KCNAB1: variants seen among roughly 807,000 people sequenced by gnomAD.
KCNAB1 encodes voltage-gated potassium channel subunit beta-1.
KCNAB1 carries 35 observed loss-of-function variants against 64.6 expected under a neutral mutation model. That is an observed-to-expected ratio of 0.54 (90% CI 0.41 to 0.72). KCNAB1 has a LOEUF of 0.72. Among genes scored for constraint, KCNAB1 ranks in the 30% least tolerant of loss-of-function variants. The pLI is 0.00. For missense variants in KCNAB1, 401 were observed against 512.9 expected (o/e 0.78, Z 2.11); for synonymous variants, 177 against 183.8 (o/e 0.96, Z 0.30).
At chr3:156,339,695 C>T (rs566795804) in intron 1 of KCNAB1, among the ~76,000 whole-genome samples, 20 of 152,170 alleles carry the variant, frequency 1.3e-4, no homozygotes, top group Non-Finnish European at 2.8e-4. Context: ...TTGAGTTTCC[C>T]TGTAATAGTC....
chr3:156,350,923 G>A (rs755552225), intron 1 of KCNAB1, among the ~76,000 whole-genome samples: 19 of 152,268 alleles, frequency 1.2e-4, no homozygotes, highest in Non-Finnish European at 2.4e-4. Flanking sequence ...TGTGCAGGGA[G>A]TGTGAGAGCA....
chr3:156,223,385 A>G (rs1454335244), intron 1 of KCNAB1, among the ~76,000 whole-genome samples: 5 of 152,228 alleles, frequency 3.3e-5, no homozygotes, highest in Non-Finnish European at 7.3e-5. Flanking sequence ...TGATTGGTCC[A>G]TTTTACAGAG....
intron 1 of KCNAB1, among the ~76,000 whole-genome samples, chr3:156,361,199 T>C (rs1336550459): frequency 1.3e-5 from 2 of 152,174 alleles, no homozygotes; most frequent in African/African-American, 2.4e-5. Flanking sequence ...TCCCCCGGGA[T>C]GTTCCTCTAA....
At chr3:156,375,968 T>TG (rs1711623003) in intron 1 of KCNAB1, among the ~76,000 whole-genome samples, 1 of 152,218 alleles carries the variant, frequency 6.6e-6, no homozygotes, top group Non-Finnish European at 1.5e-5. Flanking sequence ...TAAAGGCGCA[T>TG]GCCAACATGC....
chr3:156,251,306 A>C (rs1167957112), intron 1 of KCNAB1, among the ~76,000 whole-genome samples: 2 of 152,220 alleles, frequency 1.3e-5, no homozygotes, highest in East Asian at 3.8e-4. Context: ...CTTGAGAGTA[A>C]GTATGCTTGA....
At chr3:156,336,080 C>T (rs772807574) in intron 1 of KCNAB1, among the ~76,000 whole-genome samples, 2 of 152,208 alleles carry the variant, frequency 1.3e-5, no homozygotes, top group East Asian at 3.9e-4. Context: ...AAGTAACAGG[C>T]CAGGCGTGAT....
chr3:156,378,041 T>C (rs1349221053), intron 1 of KCNAB1, among the ~76,000 whole-genome samples: 1 of 152,058 alleles, frequency 6.6e-6, no homozygotes, highest in African/African-American at 2.4e-5. Context: ...AATTAATGTG[T>C]ATATGGACAT....
intron 13 of KCNAB1, among the ~76,000 whole-genome samples, chr3:156,535,871 TAGATC>T (rs1719021543): frequency 6.6e-6 from 1 of 152,158 alleles, no homozygotes; most frequent in Non-Finnish European, 1.5e-5. Flanking sequence ...GGGTTACTCC[TAGATC>T]AGAAGTCCTG....
intron 1 of KCNAB1, among the ~76,000 whole-genome samples, chr3:156,381,737 A>G (rs1463487182): frequency 2.0e-5 from 3 of 152,166 alleles, no homozygotes; most frequent in Non-Finnish European, 2.9e-5. Context: ...TGGTTCTAAC[A>G]CACTACTACT....
chr3:156,143,143 C>T (rs373272584), intron 1 of KCNAB1: 18 of 1,548,398 alleles, frequency 1.2e-5, no homozygotes, highest in South Asian at 5.1e-5. Context: ...AGTTAAGCAC[C>T]GTGCAATTAG....
intron 1 of KCNAB1, among the ~76,000 whole-genome samples, chr3:156,387,012 C>CTTTTTTTTTTT: frequency 4.5e-5 from 4 of 89,466 alleles, no homozygotes. Flanking sequence ...CTTTCTCTCT[C>CTTTTTTTTTTT]TCTTTTTTTT....
chr3:156,323,645 G>A (rs1466000769), intron 1 of KCNAB1, among the ~76,000 whole-genome samples: 1 of 152,184 alleles, frequency 6.6e-6, no homozygotes, highest in African/African-American at 2.4e-5. Flanking sequence ...GGTAAAGGTT[G>A]AGTTGCCATG....
chr3:156,256,923 T>C (rs1433026259), intron 1 of KCNAB1, among the ~76,000 whole-genome samples: 4 of 152,186 alleles, frequency 2.6e-5, no homozygotes, highest in Non-Finnish European at 5.9e-5. Flanking sequence ...AAGGTTACAG[T>C]TTCTGTGGTG....
At chr3:156,140,583 A>C (rs1415319193) in intron 1 of KCNAB1, among the ~76,000 whole-genome samples, 1 of 152,192 alleles carries the variant, frequency 6.6e-6, no homozygotes, top group East Asian at 1.9e-4. Flanking sequence ...ATATCCTAAT[A>C]TCATCACACT....
chr3:156,354,389 G>A (rs113553621), intron 1 of KCNAB1, among the ~76,000 whole-genome samples: 21,856 of 151,322 alleles, frequency 0.14, 1,782 homozygotes, highest in Middle Eastern at 0.22. Flanking sequence ...TCGAACTCCC[G>A]ATCTCAAGTG....
intron 1 of KCNAB1, among the ~76,000 whole-genome samples, chr3:156,252,535 G>A (rs910680242): frequency 6.6e-6 from 1 of 152,102 alleles, no homozygotes; most frequent in East Asian, 1.9e-4. Flanking sequence ...GTATTAATAT[G>A]GTATGCAATA....
chr3:156,156,033 T>C lies in KCNAB1; in HGVS notation c.275+35147T>C, dbSNP rs564826971. Among the ~76,000 whole-genome samples, 4 of 152,298 alleles carry C rather than the reference T, an allele frequency of 2.6e-5. No individual in the cohort carries two copies. In the East Asian group the frequency reaches 7.7e-4, roughly 29 times the overall value. The stretch of plus-strand genomic sequence containing the variant: ...GTTTGGCCATGTAGACACGGCTGAC[T>C]ACCTGTGTGTTTGACCTTAGTCTCT... On this transcript the variant is annotated intron_variant, in intron 1 of 13. Coordinates refer to ENST00000490337, the MANE Select transcript of KCNAB1 (RefSeq NM_172160.3).
At chr3:156,360,356 C>G (rs1242474759) in intron 1 of KCNAB1, among the ~76,000 whole-genome samples, 1 of 152,142 alleles carries the variant, frequency 6.6e-6, no homozygotes, top group East Asian at 1.9e-4. Context: ...GCCTGCCTTT[C>G]TGTAGCCTTC....
At chr3:156,489,806 G>T (rs1414424948) in intron 8 of KCNAB1, among the ~76,000 whole-genome samples, 1 of 151,894 alleles carries the variant, frequency 6.6e-6, no homozygotes, top group East Asian at 1.9e-4. Context: ...ACTGAGGAAA[G>T]ATTTTTTTTA....
Sources: gnomAD v4.1 joint callset for allele counts (sites outside exome capture counted in the v4.1 genomes callset) on GRCh38, gnomAD v4.1.1 for gene constraint, MANE v1.5 for transcripts, NCBI Gene and HGNC (gene_info 2026-07-23, HGNC 2026-07-21) for gene names.